The following ERC2 variants were observed in gnomAD, a reference collection of about 807,000 sequenced individuals.
ERC2 encodes the protein ERC protein 2.
ERC2 carries 42 observed loss-of-function variants against 114.8 expected under a neutral mutation model. That is an observed-to-expected ratio of 0.37 (90% CI 0.29 to 0.47). The LOEUF (loss-of-function observed/expected upper bound fraction) is 0.47, where lower values mean the gene tolerates loss of function less well. Ranked by LOEUF, ERC2 falls within the 20% of genes least tolerant of loss-of-function variation. The pLI, the probability that ERC2 is intolerant of heterozygous loss-of-function variation, is 0.99. For missense variants in ERC2, 939 were observed against 1,150.7 expected, an observed-to-expected ratio of 0.82 and a Z score of 2.66; for synonymous variants, 454 against 425.5, an observed-to-expected ratio of 1.07 and a Z score of -0.82.
intron 3 of ERC2, among the ~76,000 whole-genome samples, chr3:56,245,296 T>A (rs1385063199): frequency 2.0e-5 from 3 of 152,014 alleles, no homozygotes; most frequent in Non-Finnish European, 4.4e-5. Context: ...GAACATAATA[T>A]GAATTCAACT....
chr3:55,922,364 C>T (rs1462542456), intron 13 of ERC2, among the ~76,000 whole-genome samples: 1 of 151,958 alleles, frequency 6.6e-6, no homozygotes, highest in Non-Finnish European at 1.5e-5. Flanking sequence ...CTAAAAATGT[C>T]ACTTGTGGGT....
intron 16 of ERC2, among the ~76,000 whole-genome samples, chr3:55,686,812 G>A (rs1020505268): frequency 1.3e-5 from 2 of 152,162 alleles, no homozygotes; most frequent in Admixed American, 6.5e-5. Context: ...GATCCCTTGT[G>A]TGTCCTTTGT....
intron 10 of ERC2, among the ~76,000 whole-genome samples, chr3:56,004,618 TCA>T (rs1392342512): frequency 6.6e-6 from 1 of 152,064 alleles, no homozygotes; most frequent in African/African-American, 2.4e-5. Context: ...TAAGTTTAAA[TCA>T]CCGTTTGGAT....
intron 17 of ERC2, among the ~76,000 whole-genome samples, chr3:55,651,298 G>A (rs2060611938): frequency 6.6e-6 from 1 of 152,102 alleles, no homozygotes; most frequent in Non-Finnish European, 1.5e-5. Context: ...AGAGAATTAA[G>A]GAATTGCTCG....
intron 14 of ERC2, among the ~76,000 whole-genome samples, chr3:55,819,422 AC>A (rs1386681810): frequency 1.3e-5 from 2 of 152,244 alleles, no homozygotes; most frequent in Non-Finnish European, 2.9e-5. Context: ...TCAAGTCTAT[AC>A]ATGAAAACTC....
intron 15 of ERC2, among the ~76,000 whole-genome samples, chr3:55,717,546 C>T (rs983574493): frequency 6.6e-6 from 1 of 152,168 alleles, no homozygotes; most frequent in African/African-American, 2.4e-5. Flanking sequence ...TGAAAACCAG[C>T]AGGCACATAT....
intron 7 of ERC2, among the ~76,000 whole-genome samples, chr3:56,030,614 G>T (rs2149620434): frequency 6.6e-6 from 1 of 152,214 alleles, no homozygotes; most frequent in South Asian, 2.1e-4. Flanking sequence ...TACTTTATCT[G>T]ATATTAATAT....
intron 14 of ERC2, among the ~76,000 whole-genome samples, chr3:55,820,951 G>A (rs1012957926): frequency 1.6e-4 from 24 of 152,280 alleles, no homozygotes; most frequent in African/African-American, 4.8e-4. Context: ...TAACTTGAAG[G>A]TTTCCTTGGC....
Position 56,441,793 on chromosome 3 carries a change from C to T in ERC2, c.-140-6646G>A, listed in dbSNP as rs141576834. On this transcript the variant is annotated intron_variant, in intron 1 of 17. Coordinates refer to ENST00000288221, the MANE Select transcript of ERC2 (RefSeq NM_015576.3). Reference sequence around the variant, plus strand: ...AACTCCTAACCTCAAGTGATCCACACGCCTCGGCCTCCCAAAGTTCTGGGA... The same window carrying T: ...AACTCCTAACCTCAAGTGATCCACATGCCTCGGCCTCCCAAAGTTCTGGGA... 2.5e-3 allele frequency among the ~76,000 whole-genome samples: 386 copies of T among 152,350 alleles called. 2 individuals are homozygous for T. The highest frequency in any genetic ancestry group is 8.5e-3 in the African/African-American group (355 of 41,576).
intron 2 of ERC2, among the ~76,000 whole-genome samples, chr3:56,333,619 C>T (rs138387274): frequency 5.6e-4 from 86 of 152,318 alleles, no homozygotes; most frequent in Middle Eastern, 3.4e-3. Flanking sequence ...TGCTAAGTAG[C>T]AAACCAAGAT....
chr3:55,816,772 C>CAAA (rs111476411), intron 14 of ERC2, among the ~76,000 whole-genome samples: 2 of 149,308 alleles, frequency 1.3e-5, no homozygotes, highest in African/African-American at 4.9e-5. Context: ...AAAACAAAAA[C>CAAA]AAAAAAAAAC....
intron 3 of ERC2, among the ~76,000 whole-genome samples, chr3:56,269,362 CCT>C (rs2053515704): frequency 6.6e-6 from 1 of 152,206 alleles, no homozygotes; most frequent in Non-Finnish European, 1.5e-5. Flanking sequence ...ATCTAGAAGT[CCT>C]ATCTTAGATG....
At chr3:55,941,003 C>T (rs1012830878) in intron 13 of ERC2, among the ~76,000 whole-genome samples, 4 of 152,180 alleles carry the variant, frequency 2.6e-5, no homozygotes, top group Admixed American at 6.5e-5. Flanking sequence ...GAAACAGCAT[C>T]GGCTCTTTCT....
chr3:56,381,317 G>C (rs1161808071), intron 2 of ERC2, among the ~76,000 whole-genome samples: 1 of 152,110 alleles, frequency 6.6e-6, no homozygotes, highest in Admixed American at 6.6e-5. Flanking sequence ...GGTATACTTA[G>C]GGGATTGGTT....
intron 6 of ERC2, among the ~76,000 whole-genome samples, chr3:56,109,478 A>G (rs1435826157): frequency 6.6e-6 from 1 of 152,158 alleles, no homozygotes; most frequent in Non-Finnish European, 1.5e-5. Flanking sequence ...TGCTGCAATG[A>G]ACATTCACAT....
chr3:55,807,596 T>C (rs2059540154), intron 14 of ERC2, among the ~76,000 whole-genome samples: 1 of 151,564 alleles, frequency 6.6e-6, no homozygotes, highest in East Asian at 1.9e-4. Flanking sequence ...AATAAAACTT[T>C]ATTTGTAAAA....
chr3:56,146,295 C>T lies in ERC2; in HGVS notation c.1305+2682G>A, dbSNP rs994261352. 4.0e-5 allele frequency among the ~76,000 whole-genome samples: 6 copies of T among 151,344 alleles called. No homozygotes were observed. In the East Asian group the frequency reaches 7.7e-4, roughly 20 times the overall value. On this transcript the variant is annotated intron_variant, in intron 5 of 17. Coordinates refer to ENST00000288221, the MANE Select transcript of ERC2 (RefSeq NM_015576.3). ...GAGTGAGACCCTGCCTCAAAACAAA[C>T]GAACAAAAAAAACCAAGTAGGGGAA... is the stretch of plus-strand genomic sequence containing the variant.
chr3:55,769,106 C>T (rs2149018736), intron 14 of ERC2, among the ~76,000 whole-genome samples: 1 of 152,286 alleles, frequency 6.6e-6, no homozygotes, highest in Non-Finnish European at 1.5e-5. Flanking sequence ...TGGTTCACTG[C>T]TATCTCGCTT....
intron 15 of ERC2, among the ~76,000 whole-genome samples, chr3:55,719,688 C>T (rs1226949085): frequency 6.6e-6 from 1 of 152,006 alleles, no homozygotes; most frequent in East Asian, 1.9e-4. Flanking sequence ...AAATAAACCC[C>T]CAGAGATTGC....
Sources: allele counts gnomAD v4.1 joint callset (sites outside exome capture counted in the v4.1 genomes callset), GRCh38; gene constraint gnomAD v4.1.1; transcripts MANE v1.5; gene names NCBI Gene and HGNC (gene_info 2026-07-23, HGNC 2026-07-21).